Variants in TMEM178B observed in about 807,000 individuals in gnomAD.
TMEM178B encodes transmembrane protein 178B.
Under a neutral mutation model 31.0 loss-of-function variants are expected in TMEM178B, and 5 were observed. That is an observed-to-expected ratio of 0.16 (90% CI 0.08 to 0.34). TMEM178B has a LOEUF of 0.34. Ranked by LOEUF, TMEM178B falls within the 10% of genes least tolerant of loss-of-function variation. TMEM178B has a pLI of 1.00. For synonymous variants in TMEM178B, 164 were observed against 164.0 expected, an observed-to-expected ratio of 1.00 and a Z score of 0.00; for missense variants, 275 against 400.3, an observed-to-expected ratio of 0.69 and a Z score of 2.67.
At chr7:141,218,534 G>C (rs1377527629) in intron 2 of TMEM178B, among the ~76,000 whole-genome samples, 1 of 152,172 alleles carries the variant, frequency 6.6e-6, no homozygotes, top group Non-Finnish European at 1.5e-5. Context: ...TCAGTCTTAA[G>C]GGACCAGTCC....
chr7:141,310,308 G>A (rs928821748), intron 2 of TMEM178B, among the ~76,000 whole-genome samples: 1 of 151,498 alleles, frequency 6.6e-6, no homozygotes, highest in African/African-American at 2.4e-5. Context: ...CATTTATGAG[G>A]CCAACAAATA....
In TMEM178B at chr7:141,422,147, A is replaced by G. The variant is rs960651716; in HGVS notation, c.497-15461A>G. ...ATTCTACCTGCTCCCTGTTAACCCT[A>G]TTACTTCTGGCTCCTCCAGGGCTGC... On this transcript the variant is annotated intron_variant, in intron 2 of 3. Transcript: ENST00000565468. The surrounding 1 kb of genome is among the most constrained non-coding windows in gnomAD (Gnocchi z 4.2). Among the ~76,000 whole-genome samples, 2 of 152,112 alleles carry G rather than the reference A, an allele frequency of 1.3e-5. No individual in the cohort carries two copies. Among genetic ancestry groups the G allele is most frequent in the African/African-American group, 2.4e-5 (1 of 41,424 alleles).
At chr7:141,202,048 C>T (rs1796887007) in intron 1 of TMEM178B, among the ~76,000 whole-genome samples, 1 of 152,134 alleles carries the variant, frequency 6.6e-6, no homozygotes, top group African/African-American at 2.4e-5. Flanking sequence ...GGATACGTCT[C>T]TAAGCTTCTC....
chr7:141,334,141 A>G (rs1799343061), intron 2 of TMEM178B, among the ~76,000 whole-genome samples: 1 of 152,238 alleles, frequency 6.6e-6, no homozygotes, highest in South Asian at 2.1e-4. Flanking sequence ...CAACCCTGGG[A>G]TAGAAACCAG....
chr7:141,508,345 A>G, the TMEM178B span, among the ~76,000 whole-genome samples: 2 of 152,184 alleles, frequency 1.3e-5, no homozygotes, highest in Non-Finnish European at 2.9e-5. Flanking sequence ...CTTATTGTCC[A>G]TATCACTATC....
chr7:141,297,858 T>C (rs1253363300), intron 2 of TMEM178B, among the ~76,000 whole-genome samples: 2 of 152,262 alleles, frequency 1.3e-5, no homozygotes, highest in Non-Finnish European at 2.9e-5. Context: ...TTATAATCCT[T>C]TGGGTGTATA....
At chr7:141,096,909 G>A (rs886917662) in intron 1 of TMEM178B, among the ~76,000 whole-genome samples, 1 of 151,972 alleles carries the variant, frequency 6.6e-6, no homozygotes. Context: ...GCAACATAGC[G>A]AGATCTCATC....
chr7:141,497,448 C>A, the TMEM178B span, among the ~76,000 whole-genome samples: 6 of 152,084 alleles, frequency 3.9e-5, no homozygotes, highest in Non-Finnish European at 8.8e-5. Flanking sequence ...ACTTTGTTAC[C>A]CCCTTTGGGC....
intron 2 of TMEM178B, among the ~76,000 whole-genome samples, chr7:141,409,005 AG>A (rs1164611674): frequency 6.6e-6 from 1 of 152,172 alleles, no homozygotes; most frequent in Admixed American, 6.5e-5. Flanking sequence ...AGAAAAGGCC[AG>A]GGGGCAAAAC....
intron 1 of TMEM178B, among the ~76,000 whole-genome samples, chr7:141,146,513 A>G (rs565322625): frequency 8.7e-4 from 132 of 152,310 alleles, no homozygotes; most frequent in Non-Finnish European, 1.7e-3. Context: ...ACCTTGTTAC[A>G]TCATGTATAT....
At chr7:141,259,979 G>T (rs1348185361) in intron 2 of TMEM178B, among the ~76,000 whole-genome samples, 1 of 152,094 alleles carries the variant, frequency 6.6e-6, no homozygotes, top group African/African-American at 2.4e-5. Context: ...GATCTCTCCT[G>T]AGTGTGAGCA....
At chr7:141,417,013 C>G (rs1035173353) in intron 2 of TMEM178B, among the ~76,000 whole-genome samples, 8 of 152,222 alleles carry the variant, frequency 5.3e-5, no homozygotes, top group African/African-American at 1.9e-4. Context: ...CATTAGACAT[C>G]ACTTTTGAAC....
chr7:141,186,841 G>C (rs1292115569), intron 1 of TMEM178B, among the ~76,000 whole-genome samples: 1 of 152,314 alleles, frequency 6.6e-6, no homozygotes, highest in East Asian at 1.9e-4. Context: ...TGTCTTAGGG[G>C]TCACCTGGTA....
the TMEM178B span, among the ~76,000 whole-genome samples, chr7:141,508,338 A>T: frequency 6.6e-6 from 1 of 152,300 alleles, no homozygotes; most frequent in South Asian, 2.1e-4. Flanking sequence ...CCTGGATCTT[A>T]TTGTCCATAT....
intron 1 of TMEM178B, among the ~76,000 whole-genome samples, chr7:141,205,029 T>C (rs1796940121): frequency 6.6e-6 from 1 of 152,100 alleles, no homozygotes; most frequent in African/African-American, 2.4e-5. Context: ...TCTCACTCTA[T>C]TGCCCAGGTT....
intron 2 of TMEM178B, among the ~76,000 whole-genome samples, chr7:141,250,565 A>G (rs1456486847): frequency 6.6e-6 from 1 of 152,190 alleles, no homozygotes; most frequent in African/African-American, 2.4e-5. Context: ...AGGAAAGAAC[A>G]CAGGATGGAG....
At chr7:141,347,812 C>T (rs1799646578) in intron 2 of TMEM178B, among the ~76,000 whole-genome samples, 1 of 152,144 alleles carries the variant, frequency 6.6e-6, no homozygotes, top group Admixed American at 6.5e-5. Context: ...CACTCTGCCG[C>T]ACCACCAACT....
At chr7:141,101,954 C>A (rs1795066741) in intron 1 of TMEM178B, among the ~76,000 whole-genome samples, 1 of 148,760 alleles carries the variant, frequency 6.7e-6, no homozygotes, top group Middle Eastern at 3.3e-3. Context: ...CATACATGCT[C>A]ATACTGTATG....
chr7:141,252,807 C>G (rs1797857230), intron 2 of TMEM178B, among the ~76,000 whole-genome samples: 1 of 152,204 alleles, frequency 6.6e-6, no homozygotes, highest in South Asian at 2.1e-4. Context: ...AAAGCCAATA[C>G]AGCAGTGGCA....
Sources: allele counts gnomAD v4.1 joint callset (sites outside exome capture counted in the v4.1 genomes callset), GRCh38; gene constraint gnomAD v4.1.1; non-coding constraint Gnocchi (gnomAD v3.1); transcripts MANE v1.5; gene names NCBI Gene and HGNC (gene_info 2026-07-23, HGNC 2026-07-21).